RALYL: variants seen among roughly 807,000 people sequenced by gnomAD.
RALYL encodes RALY RNA binding protein like, also known as RNA-binding Raly-like protein.
In RALYL, 29 loss-of-function variants were observed where a neutral mutation model predicts 35.1. That is an observed-to-expected ratio of 0.83 (90% confidence interval 0.61 to 1.13). The LOEUF is 1.13. Ranked by LOEUF, RALYL falls within the 50% of genes most tolerant of loss-of-function variation. The pLI, the probability that RALYL is intolerant of heterozygous loss-of-function variation, is 0.00. For missense variants in RALYL, 359 were observed against 360.4 expected, an observed-to-expected ratio of 1.00 and a Z score of 0.03; for synonymous variants, 120 against 127.6, an observed-to-expected ratio of 0.94 and a Z score of 0.40.
At chr8:84,668,423 C>A (rs1403005856) in intron 2 of RALYL, among the ~76,000 whole-genome samples, 4 of 151,998 alleles carry the variant, frequency 2.6e-5, no homozygotes, top group East Asian at 3.9e-4. Flanking sequence ...GGAGTTGGGG[C>A]ATTATTTAAA....
At chr8:84,771,323 G>GT (rs1415348569) in intron 2 of RALYL, among the ~76,000 whole-genome samples, 1 of 151,784 alleles carries the variant, frequency 6.6e-6, no homozygotes, top group East Asian at 1.9e-4. Context: ...GGGTATTTGT[G>GT]TTTTTTCCAG....
chr8:84,224,884 T>G (rs1279509429), intron 1 of RALYL, among the ~76,000 whole-genome samples: 3 of 152,196 alleles, frequency 2.0e-5, no homozygotes, highest in African/African-American at 7.2e-5. Flanking sequence ...CTCGAACTTC[T>G]GACCTCGTGC....
At chr8:84,624,565 T>A (rs553966938) in intron 2 of RALYL, among the ~76,000 whole-genome samples, 1 of 152,204 alleles carries the variant, frequency 6.6e-6, no homozygotes, top group Non-Finnish European at 1.5e-5. Context: ...TAAGGATGCA[T>A]GTGATTAGAT....
At chr8:84,546,468 C>T (rs949297546) in intron 2 of RALYL, among the ~76,000 whole-genome samples, 8 of 152,180 alleles carry the variant, frequency 5.3e-5, no homozygotes, top group African/African-American at 1.9e-4. Flanking sequence ...TGAATTTTGT[C>T]AAACGTCTTT....
intron 1 of RALYL, among the ~76,000 whole-genome samples, chr8:84,411,795 T>A (rs1437995949): frequency 6.6e-6 from 1 of 152,006 alleles, no homozygotes; most frequent in Non-Finnish European, 1.5e-5. Context: ...GTCATATGTC[T>A]TCTAATATCC....
At chr8:84,849,865 A>G in intron 4 of RALYL, 115 bp from the exon 5 acceptor site, 1 of 598,054 alleles carries the variant, frequency 1.7e-6, no homozygotes, top group Non-Finnish European at 2.9e-6. Flanking sequence ...GCATAATTAT[A>G]TTGAAAAATA....
intron 2 of RALYL, among the ~76,000 whole-genome samples, chr8:84,642,549 T>C (rs913329722): frequency 6.6e-6 from 1 of 152,044 alleles, no homozygotes; most frequent in Non-Finnish European, 1.5e-5. Context: ...CTTAACTCTC[T>C]AGTTACAGAT....
chr8:84,188,734 A>G (rs1359592450), intron 1 of RALYL, among the ~76,000 whole-genome samples: 1 of 152,148 alleles, frequency 6.6e-6, no homozygotes, highest in Non-Finnish European at 1.5e-5. Context: ...TTTGATGTGC[A>G]GACTGCATAG....
intron 1 of RALYL, among the ~76,000 whole-genome samples, chr8:84,364,608 A>G (rs1429683719): frequency 1.3e-5 from 2 of 152,152 alleles, no homozygotes; most frequent in African/African-American, 4.8e-5. Flanking sequence ...CTATGATTGA[A>G]TTACTGAAAG....
chr8:84,319,639 A>G, intron 1 of RALYL, among the ~76,000 whole-genome samples: 1 of 152,120 alleles, frequency 6.6e-6, no homozygotes, highest in South Asian at 2.1e-4. Context: ...TAGCTAGGTG[A>G]CAAGTCTTTA....
chr8:84,295,280 G>A (rs1335458846), intron 1 of RALYL, among the ~76,000 whole-genome samples: 2 of 152,082 alleles, frequency 1.3e-5, no homozygotes, highest in African/African-American at 2.4e-5. Context: ...GGATTTTGTG[G>A]TGAGTGAGTC....
intron 1 of RALYL, among the ~76,000 whole-genome samples, chr8:84,396,055 T>A (rs1220451947): frequency 1.3e-5 from 2 of 152,034 alleles, no homozygotes; most frequent in African/African-American, 2.4e-5. Flanking sequence ...ATGGACTAAT[T>A]TATCAATTAA....
At chr8:84,797,303 C>T (rs550571067) in intron 3 of RALYL, among the ~76,000 whole-genome samples, 2 of 152,326 alleles carry the variant, frequency 1.3e-5, no homozygotes, top group South Asian at 2.1e-4. Context: ...TTACTACCAT[C>T]ACAATGGCAA....
rs1048345610 is a variant in RALYL, at chr8:84,453,833, A to C, written c.-23-75466A>C. On this transcript the variant is annotated intron_variant, in intron 1 of 8. Transcript: ENST00000521268. ...GGATGCTCTGAGAGCATGTAGGTAG[A>C]AGCAGAGAAAGAATATTTTAAAGCC... 3.3e-5 allele frequency among the ~76,000 whole-genome samples: 5 copies of C among 152,164 alleles called. No individual in the cohort carries two copies. In the South Asian group the frequency reaches 6.2e-4, roughly 19 times the overall value.
chr8:84,873,885 C>T (rs1395358787), intron 7 of RALYL, among the ~76,000 whole-genome samples: 1 of 152,150 alleles, frequency 6.6e-6, no homozygotes, highest in Admixed American at 6.5e-5. Flanking sequence ...GACCATGCAC[C>T]TGGCTACCCA....
intron 2 of RALYL, among the ~76,000 whole-genome samples, chr8:84,620,389 C>A (rs1323157018): frequency 6.6e-6 from 1 of 152,062 alleles, no homozygotes; most frequent in Non-Finnish European, 1.5e-5. Flanking sequence ...ATCGCATCGG[C>A]TCCTGAGGCT....
intron 2 of RALYL, among the ~76,000 whole-genome samples, chr8:84,585,716 C>T (rs941643686): frequency 1.3e-5 from 2 of 152,118 alleles, no homozygotes; most frequent in East Asian, 3.9e-4. Context: ...TATACATTAA[C>T]AAATATTCCA....
intron 1 of RALYL, among the ~76,000 whole-genome samples, chr8:84,203,472 T>C (rs918966180): frequency 1.3e-5 from 2 of 152,168 alleles, no homozygotes; most frequent in African/African-American, 4.8e-5. Context: ...TAGTAAAAAG[T>C]GGTGCTGCTT....
At chr8:84,254,230 G>A (rs909802019) in intron 1 of RALYL, among the ~76,000 whole-genome samples, 2 of 151,992 alleles carry the variant, frequency 1.3e-5, no homozygotes, top group East Asian at 1.9e-4. Flanking sequence ...ATCTTCTGTT[G>A]TATATATTTT....
Sources: gnomAD v4.1 joint callset for allele counts (sites outside exome capture counted in the v4.1 genomes callset) on GRCh38, gnomAD v4.1.1 for gene constraint, MANE v1.5 for transcripts, NCBI Gene and HGNC (gene_info 2026-07-23, HGNC 2026-07-21) for gene names.